Variants in ABCC12 observed in about 807,000 individuals in gnomAD.
ABCC12 encodes ATP binding cassette subfamily C member 12, also known as ATP-binding cassette sub-family C member 12.
Under a neutral mutation model 151.1 loss-of-function variants are expected in ABCC12, and 142 were observed. The observed-to-expected ratio is 0.94, with a 90% confidence interval of 0.82 to 1.08. The LOEUF is 1.08. Among genes scored for constraint, ABCC12 ranks in the 50% least tolerant of loss-of-function variants. The probability of loss-of-function intolerance (pLI) is 0.00; values close to 1 mark genes in which losing one functional copy is unlikely to be tolerated. For missense variants in ABCC12, 1,638 were observed against 1,691.1 expected (o/e 0.97, Z 0.55); for synonymous variants, 645 against 646.4 (o/e 1.00, Z 0.03).
intron 8 of ABCC12, 127 bp downstream of exon 8, chr16:48,138,101 T>A: frequency 1.9e-6 from 2 of 1,028,664 alleles, no homozygotes; most frequent in Non-Finnish European, 1.4e-6. Flanking sequence ...TTCTTTGACC[T>A]GCAGAGCAGC....
chr16:48,109,051 A>T (rs549883020), intron 18 of ABCC12, among the ~76,000 whole-genome samples: 1 of 152,218 alleles, frequency 6.6e-6, no homozygotes, highest in South Asian at 2.1e-4. Flanking sequence ...CGCTCCCTGG[A>T]TGGGGGTGTT....
chr16:48,109,042 G>A (rs1013517895), intron 18 of ABCC12, among the ~76,000 whole-genome samples: 3 of 152,114 alleles, frequency 2.0e-5, no homozygotes, highest in Admixed American at 6.5e-5. Context: ...GGTGAAGGCC[G>A]CTCCCTGGAT....
chr16:48,099,168 C>T (rs370483806), intron 23 of ABCC12, among the ~76,000 whole-genome samples: 5 of 152,162 alleles, frequency 3.3e-5, no homozygotes, highest in Middle Eastern at 3.4e-3. Context: ...CTATAATCCC[C>T]GCACTCTTGG....
At chr16:48,141,009 T>C (rs1288783198) in intron 5 of ABCC12, 89 bp from the exon 6 acceptor site, 6 of 1,431,838 alleles carry the variant, frequency 4.2e-6, no homozygotes, top group Non-Finnish European at 5.7e-6. Flanking sequence ...AAGCTGACTT[T>C]AAGAGGCAAA....
rs774085761 is a variant in ABCC12 at position 48,088,569 on chromosome 16, C to A, written c.3451G>T (p.Gly1151Trp). 1 of 1,613,906 alleles carries A rather than the reference C, an allele frequency of 6.2e-7. No individual in the cohort carries two copies. Among genetic ancestry groups the A allele is most frequent in the Admixed American group, 1.7e-5 (1 of 59,996 alleles). ...CCGGAACCTGTTCTTCCAACAATCC[C>A]GACTGTCTGCCCACTTTGTATGTTC... ...NLNIQSGQTV[G>W]IVGRTGSGKS... Residue 1151 changes from glycine (G) to tryptophan (W), a missense_variant, in exon 26 of 31, where the codon GGG (glycine) becomes TGG (tryptophan). Gly to Trp is a radical substitution (Grantham distance 184, BLOSUM62 -2). Coordinates refer to ENST00000311303, the MANE Select transcript of ABCC12 (RefSeq NM_001393797.1).
chr16:48,135,764 T>A (rs1202012727), intron 8 of ABCC12, among the ~76,000 whole-genome samples: 1 of 152,218 alleles, frequency 6.6e-6, no homozygotes, highest in East Asian at 1.9e-4. Context: ...ACCTGCCTGG[T>A]GTCCCAAGAA....
intron 12 of ABCC12, among the ~76,000 whole-genome samples, chr16:48,122,797 T>C (rs1964116407): frequency 6.6e-6 from 1 of 152,254 alleles, no homozygotes. Flanking sequence ...ATTAAATGTA[T>C]GTTCAATGTT....
chr16:48,115,352 G>A, intron 15 of ABCC12, 63 bp downstream of exon 15: 1 of 1,550,206 alleles, frequency 6.5e-7, no homozygotes, highest in Non-Finnish European at 8.8e-7. Flanking sequence ...AGGAGGCTCT[G>A]TGAGCATCAG....
chr16:48,152,661 C>T (rs1965132607), intron 2 of ABCC12, among the ~76,000 whole-genome samples: 1 of 152,156 alleles, frequency 6.6e-6, no homozygotes, highest in South Asian at 2.1e-4. Flanking sequence ...TCCCTCTGGC[C>T]CACCAGATCG....
chr16:48,130,090 A>C (rs1471588263), intron 10 of ABCC12, among the ~76,000 whole-genome samples: 1 of 152,222 alleles, frequency 6.6e-6, no homozygotes, highest in Non-Finnish European at 1.5e-5. Flanking sequence ...GACTCGGGTG[A>C]GTAAGATCAT....
chr16:48,085,735 T>C, intron 28 of ABCC12, 29 bp from the exon 29 acceptor site: 1 of 1,558,536 alleles, frequency 6.4e-7, no homozygotes, highest in Non-Finnish European at 8.9e-7. Context: ...GCCACATTTG[T>C]GCTGATGATC....
chr16:48,146,199 C>T (rs16945894), intron 3 of ABCC12, 107 bp downstream of exon 3: 79,240 of 966,502 alleles, frequency 0.082, 3,713 homozygotes, highest in Non-Finnish European at 0.095. Flanking sequence ...GACAAAAGGA[C>T]GAGCAGATAG....
intron 11 of ABCC12, among the ~76,000 whole-genome samples, chr16:48,126,933 G>A (rs532597419): frequency 4.6e-5 from 7 of 152,176 alleles, no homozygotes; most frequent in African/African-American, 1.4e-4. Context: ...CTTAGAACAC[G>A]GGAAGTTCAC....
chr16:48,106,765 T>G (rs1175199979), intron 20 of ABCC12, among the ~76,000 whole-genome samples: 1 of 152,126 alleles, frequency 6.6e-6, no homozygotes, highest in Non-Finnish European at 1.5e-5. Flanking sequence ...CTGGGAGAAC[T>G]CCCAGCAAGC....
intron 4 of ABCC12, 113 bp from the exon 5 acceptor site, chr16:48,141,466 A>C (rs1964813522): frequency 7.1e-7 from 1 of 1,400,884 alleles, no homozygotes; most frequent in African/African-American, 1.4e-5. Flanking sequence ...CCTCCCTGGC[A>C]GTGGTGCCTT....
At chr16:48,105,101 T>A in intron 21 of ABCC12, 38 bp downstream of exon 21, 1 of 1,611,872 alleles carries the variant, frequency 6.2e-7, no homozygotes, top group Non-Finnish European at 8.5e-7. Flanking sequence ...CCTTGTTGAC[T>A]GAATAACTGG....
chr16:48,150,897 C>A (rs1965108064), intron 2 of ABCC12, among the ~76,000 whole-genome samples: 1 of 152,158 alleles, frequency 6.6e-6, no homozygotes, highest in Admixed American at 6.5e-5. Context: ...ACAATTCTAG[C>A]CTCCTCCCCT....
chr16:48,107,539 C>G, intron 19 of ABCC12, 114 bp from the exon 20 acceptor site: 2 of 869,708 alleles, frequency 2.3e-6, no homozygotes, highest in Non-Finnish European at 3.7e-6. Flanking sequence ...GAAAAGGACT[C>G]CCACGCCTGG....
intron 18 of ABCC12, among the ~76,000 whole-genome samples, chr16:48,109,876 C>T (rs1265930375): frequency 6.6e-6 from 1 of 152,220 alleles, no homozygotes; most frequent in African/African-American, 2.4e-5. Context: ...GGCAGGTGGG[C>T]AGTGTTGTCT....
Sources: allele counts gnomAD v4.1 joint callset (sites outside exome capture counted in the v4.1 genomes callset), GRCh38; gene constraint gnomAD v4.1.1; transcripts MANE v1.5; gene names NCBI Gene and HGNC (gene_info 2026-07-23, HGNC 2026-07-21).